The following RNF115 variants were observed in gnomAD, a reference collection of about 807,000 sequenced individuals.
The protein encoded by RNF115 is E3 ubiquitin-protein ligase RNF115.
Under a neutral mutation model 39.2 loss-of-function variants are expected in RNF115, and 31 were observed. The ratio of observed to expected loss-of-function variants is 0.79; its 90% CI spans 0.59 to 1.07. The LOEUF (loss-of-function observed/expected upper bound fraction) is 1.07, where lower values mean the gene tolerates loss of function less well. Among genes scored for constraint, RNF115 ranks in the 50% least tolerant of loss-of-function variants. The pLI is 0.00. For missense variants in RNF115, 384 were observed against 381.7 expected (o/e 1.01, Z -0.05); for synonymous variants, 124 against 131.0 (o/e 0.95, Z 0.37).
At chr1:145,787,955 T>C (rs1648469773) in intron 2 of RNF115, among the ~76,000 whole-genome samples, 1 of 152,048 alleles carries the variant, frequency 6.6e-6, no homozygotes, top group Non-Finnish European at 1.5e-5. Context: ...GAATATGTAA[T>C]AGTCACTTTC....
intron 1 of RNF115, among the ~76,000 whole-genome samples, chr1:145,790,012 T>G (rs1648590987): frequency 6.6e-6 from 1 of 152,102 alleles, no homozygotes; most frequent in Non-Finnish European, 1.5e-5. Context: ...CCTAGTTTTT[T>G]CTATTATACT....
rs140850661 is a variant in RNF115, at chr1:145,787,539, T to A, written c.161+1369A>T. ...GTGAGCCAAGATCGTGCCCTTGCAC[T>A]CCAGCCTGGGCAAAAGAGTGAGACT... is the stretch of plus-strand genomic sequence containing the variant. On this transcript the variant is annotated intron_variant, in intron 2 of 8. Coordinates refer to ENST00000582693, the MANE Select transcript of RNF115 (RefSeq NM_014455.4). Among the ~76,000 whole-genome samples the A allele has an allele frequency of 3.8e-4, 49 of 128,968 alleles. 2 individuals are homozygous for A. In the East Asian group the frequency reaches 0.011, roughly 29 times the overall value. The allele number at this position is 128,968 out of a possible 152,430, so 84.6% of individuals were successfully genotyped here. A position where few individuals can be genotyped will look rare whatever the true frequency, so the allele number is the denominator to read the frequency against.
chr1:145,791,924 A>T (rs1190305136), intron 1 of RNF115, among the ~76,000 whole-genome samples: 1 of 150,914 alleles, frequency 6.6e-6, no homozygotes, highest in African/African-American at 2.4e-5. Flanking sequence ...TTTATTTTTT[A>T]TTTTATTTTA....
rs35848173 is a variant in RNF115, at chr1:145,804,499, GCACACACACA to G, written c.103-15543_103-15534del. Among the ~76,000 whole-genome samples the G allele has an allele frequency of 6.2e-4, 92 of 148,528 alleles. 1 individual carries two copies. The highest frequency in any genetic ancestry group is 1.2e-3 in the East Asian group (6 of 4,990). The stretch of plus-strand genomic sequence containing the variant: ...GTCCACCTTAAATGCATGCATGCAT[GCACACACACA>G]CACACACACACACACACACACACAA... On this transcript the variant is annotated intron_variant, in intron 1 of 8. Transcript: ENST00000582693.
At position 145,740,996 on chromosome 1, in the gene RNF115, CCTGG is replaced by C. The variant is rs1553710909; in HGVS notation, c.*5866_*5869del. 1.3e-5 allele frequency: 2 copies of C among 152,186 alleles called. No homozygotes were observed. The highest frequency in any genetic ancestry group is 2.9e-5 in the Non-Finnish European group (2 of 68,076). The allele number at this position is 152,186 out of a possible 1,614,324, so 9.4% of individuals were successfully genotyped here. A position where few individuals can be genotyped will look rare whatever the true frequency, so the allele number is the denominator to read the frequency against. On this transcript the variant is annotated 3_prime_UTR_variant, in exon 9 of 9. Transcript: ENST00000582693. ...GGGACTACAGGTGCATGCCACCACA[CCTGG>C]CTAATTTTTGTATTTTTAGTAGACA...
rs1405043599 is a variant in RNF115 at position 145,767,835 on chromosome 1, T to C, written c.428+3876A>G. Among the ~76,000 whole-genome samples the C allele has an allele frequency of 2.6e-5, 4 of 152,204 alleles. No homozygotes were observed. The East Asian group carries it at 7.7e-4, about 29-fold the overall frequency. On this transcript the variant is annotated intron_variant, in intron 4 of 8. Coordinates refer to ENST00000582693, the MANE Select transcript of RNF115 (RefSeq NM_014455.4). Reference sequence around the variant, plus strand: ...TAAAAATACGAAAACCAGTCAGGCGTGGCGGCGCGCGCCCGCAATCGCAGG... The same window carrying C: ...TAAAAATACGAAAACCAGTCAGGCGCGGCGGCGCGCGCCCGCAATCGCAGG...
intron 4 of RNF115, among the ~76,000 whole-genome samples, chr1:145,771,258 A>C (rs1647623772): frequency 1.3e-5 from 2 of 152,180 alleles, no homozygotes; most frequent in Admixed American, 1.3e-4. Context: ...TAAAAGGATG[A>C]GTGTGGCACC....
rs587687462 is a variant in RNF115, at chr1:145,776,700, G to A, written c.220-4781C>T. ...AAATACAAAAAGTTAGCTGGGCGTG[G>A]TGGAGCATGCCTGTAATCCCAGCTA... is the stretch of plus-strand genomic sequence containing the variant. On this transcript the variant is annotated intron_variant, in intron 3 of 8. Transcript: ENST00000582693. Among the ~76,000 whole-genome samples, 33 of 152,108 alleles carry A rather than the reference G, an allele frequency of 2.2e-4. No homozygotes were observed. In the South Asian group the frequency reaches 2.5e-3, roughly 11 times the overall value.
intron 1 of RNF115, among the ~76,000 whole-genome samples, chr1:145,816,085 G>T (rs1323719138): frequency 3.7e-4 from 11 of 29,852 alleles, no homozygotes; most frequent in South Asian, 9.8e-4. Context: ...TTTTTTTTTT[G>T]AGATGGAGTC....
chr1:145,798,317 T>C (rs1420290089), intron 1 of RNF115, among the ~76,000 whole-genome samples: 2 of 152,194 alleles, frequency 1.3e-5, no homozygotes, highest in Non-Finnish European at 2.9e-5. Context: ...TATATTTAGG[T>C]CTTTAATCCA....
chr1:145,758,452 T>C (rs1169335949), intron 4 of RNF115, among the ~76,000 whole-genome samples: 2 of 152,180 alleles, frequency 1.3e-5, no homozygotes, highest in African/African-American at 4.8e-5. Flanking sequence ...ACCAGAACCA[T>C]CTAGCTAAAT....
chr1:145,805,101 T>C (rs1262101630), intron 1 of RNF115, among the ~76,000 whole-genome samples: 1 of 152,144 alleles, frequency 6.6e-6, no homozygotes, highest in Non-Finnish European at 1.5e-5. Context: ...TATTTTACCA[T>C]GTACCCACAG....
chr1:145,758,953 G>A (rs587762424), intron 4 of RNF115, among the ~76,000 whole-genome samples: 1 of 152,336 alleles, frequency 6.6e-6, no homozygotes, highest in South Asian at 2.1e-4. Context: ...TGGAGGGAAG[G>A]AAGATAGTGT....
At chr1:145,761,270 G>A (rs1055416052) in intron 4 of RNF115, among the ~76,000 whole-genome samples, 3 of 152,230 alleles carry the variant, frequency 2.0e-5, no homozygotes, top group Non-Finnish European at 4.4e-5. Context: ...AAGTAGCAAG[G>A]AGCCTAATGT....
chr1:145,790,031 T>A (rs1248178374), intron 1 of RNF115, among the ~76,000 whole-genome samples: 5 of 152,090 alleles, frequency 3.3e-5, no homozygotes, highest in Non-Finnish European at 7.4e-5. Flanking sequence ...CTCTGGCAAA[T>A]ATAGAATTCC....
intron 4 of RNF115, among the ~76,000 whole-genome samples, chr1:145,769,056 A>G (rs1647517109): frequency 6.6e-6 from 1 of 152,242 alleles, no homozygotes; most frequent in African/African-American, 2.4e-5. Flanking sequence ...TGGTTAAAAA[A>G]TAAGTGAGAA....
At chr1:145,800,718 A>G (rs1649196419) in intron 1 of RNF115, among the ~76,000 whole-genome samples, 1 of 152,212 alleles carries the variant, frequency 6.6e-6, no homozygotes, top group Non-Finnish European at 1.5e-5. Flanking sequence ...CTATCTGACC[A>G]CAACCACATG....
At chr1:145,752,582 G>A in intron 5 of RNF115, among the ~76,000 whole-genome samples, 1 of 67,152 alleles carries the variant, frequency 1.5e-5, no homozygotes, top group African/African-American at 1.1e-4. Context: ...CACCTATGCA[G>A]CTCTTTTTTT....
At position 145,812,279 on chromosome 1, in the gene RNF115, T is replaced by C. The variant is rs587713462; in HGVS notation, c.102+11493A>G. On this transcript the variant is annotated intron_variant, in intron 1 of 8. Coordinates refer to ENST00000582693, the MANE Select transcript of RNF115 (RefSeq NM_014455.4). ...TGGCAAGGAGGTAAACATTACCTTG[T>C]CTACTAAGAAGTTTCCTGTGACACT... Among the ~76,000 whole-genome samples, 6 of 150,520 alleles carry C rather than the reference T, an allele frequency of 4.0e-5. No individual in the cohort carries two copies. The East Asian group carries it at 1.2e-3, about 29-fold the overall frequency.
Sources: gnomAD v4.1 joint callset for allele counts (sites outside exome capture counted in the v4.1 genomes callset) on GRCh38, gnomAD v4.1.1 for gene constraint, MANE v1.5 for transcripts, NCBI Gene and HGNC (gene_info 2026-07-23, HGNC 2026-07-21) for gene names.